The following FGGY variants were observed in gnomAD, a reference collection of about 807,000 sequenced individuals.
The protein encoded by FGGY is FGGY carbohydrate kinase domain containing.
In FGGY, 72 loss-of-function variants were observed where a neutral mutation model predicts 71.3. That is an observed-to-expected ratio of 1.01 (90% CI 0.84 to 1.23). The LOEUF is 1.23. Ranked by LOEUF, FGGY falls within the 50% of genes most tolerant of loss-of-function variation. FGGY has a pLI of 0.00. For synonymous variants in FGGY, 251 were observed against 250.3 expected (o/e 1.00, Z -0.02); for missense variants, 668 against 682.3 (o/e 0.98, Z 0.23).
At chr1:59,662,334 A>AG (rs1252849994) in intron 12 of FGGY, among the ~76,000 whole-genome samples, 29 of 150,442 alleles carry the variant, frequency 1.9e-4, no homozygotes, top group African/African-American at 6.4e-4. Flanking sequence ...AAAAAAAAAA[A>AG]AGAGAGAGAT....
intron 14 of FGGY, among the ~76,000 whole-genome samples, chr1:59,689,200 G>C (rs924461339): frequency 1.3e-5 from 2 of 152,176 alleles, no homozygotes; most frequent in African/African-American, 2.4e-5. Context: ...CAGCAGGAAA[G>C]AGTAGCCTGG....
At chr1:59,340,096 A>G in intron 3 of FGGY, 27 bp downstream of exon 3, 1 of 1,525,004 alleles carries the variant, frequency 6.6e-7, no homozygotes, top group South Asian at 1.2e-5. Context: ...TCCTTTTCCC[A>G]GTGGTGGGAT....
intron 8 of FGGY, among the ~76,000 whole-genome samples, chr1:59,554,741 T>C (rs2095659033): frequency 6.6e-6 from 1 of 152,222 alleles, no homozygotes; most frequent in African/African-American, 2.4e-5. Context: ...CATGAATTAG[T>C]GAAAAGGCTT....
At chr1:59,429,425 A>G (rs578196196) in intron 5 of FGGY, among the ~76,000 whole-genome samples, 2 of 152,250 alleles carry the variant, frequency 1.3e-5, no homozygotes, top group African/African-American at 4.8e-5. Flanking sequence ...AACTCAATTC[A>G]TTTGGTGCTA....
rs1165927562 is a variant in FGGY at position 59,650,937 on chromosome 1, T to A, written c.1222-9282T>A. Among the ~76,000 whole-genome samples, 3 of 151,240 alleles carry A rather than the reference T, an allele frequency of 2.0e-5. No homozygotes were observed. In the South Asian group the frequency reaches 6.2e-4, roughly 31 times the overall value. On this transcript the variant is annotated intron_variant, in intron 11 of 15. Coordinates refer to ENST00000303721, the MANE Select transcript of FGGY (RefSeq NM_018291.5). ...ACTGCTTTGAATGTGTCCCAGAGAT[T>A]CTGGTACGTTGTGTCTTTGTTCTCG...
intron 14 of FGGY, among the ~76,000 whole-genome samples, chr1:59,710,298 A>G (rs527851659): frequency 6.8e-4 from 104 of 152,262 alleles, no homozygotes; most frequent in Non-Finnish European, 1.2e-3. Flanking sequence ...AAATTAACTC[A>G]AGATGGATTA....
At chr1:59,519,060 A>G (rs113137043) in intron 7 of FGGY, among the ~76,000 whole-genome samples, 2,553 of 152,314 alleles carry the variant, frequency 0.017, 53 homozygotes, top group Non-Finnish European at 0.026. Flanking sequence ...AACTTTATAC[A>G]TACTATTATT....
chr1:59,532,892 A>C (rs2095191145), intron 7 of FGGY, among the ~76,000 whole-genome samples: 1 of 152,188 alleles, frequency 6.6e-6, no homozygotes, highest in Non-Finnish European at 1.5e-5. Context: ...TAAAATATTA[A>C]AATTAATAAG....
intron 5 of FGGY, among the ~76,000 whole-genome samples, chr1:59,454,851 A>G (rs1291039248): frequency 6.6e-6 from 1 of 152,248 alleles, no homozygotes; most frequent in African/African-American, 2.4e-5. Flanking sequence ...ATCCTAGTAT[A>G]GTGCCAGGAT....
chr1:59,365,239 GGAGCAGCTAAAGAAAA>G (rs1306577796), intron 4 of FGGY, among the ~76,000 whole-genome samples: 1 of 152,276 alleles, frequency 6.6e-6, no homozygotes, highest in Admixed American at 6.5e-5. Flanking sequence ...AGATCCCTGG[GGAGCAGCTAAAGAAAA>G]GAGCAGCTAA....
intron 8 of FGGY, among the ~76,000 whole-genome samples, chr1:59,568,821 G>T (rs988698518): frequency 6.6e-6 from 1 of 152,108 alleles, no homozygotes; most frequent in Admixed American, 6.6e-5. Context: ...CTACTTCAGT[G>T]TTCTATCTCT....
chr1:59,497,230 G>T (rs12063087), intron 6 of FGGY, among the ~76,000 whole-genome samples: 26,208 of 152,174 alleles, frequency 0.17, 2,919 homozygotes, highest in Middle Eastern at 0.31. Context: ...ATTTCCAGCA[G>T]GAAGAGGAAA....
chr1:59,410,483 C>T (rs970505688), intron 5 of FGGY, among the ~76,000 whole-genome samples: 8 of 152,148 alleles, frequency 5.3e-5, no homozygotes, highest in Non-Finnish European at 1.2e-4. Flanking sequence ...TATGTTCTTT[C>T]CACTCAGTAT....
intron 1 of FGGY, among the ~76,000 whole-genome samples, chr1:59,305,992 C>T (rs1312445975): frequency 6.6e-6 from 1 of 152,200 alleles, no homozygotes; most frequent in Non-Finnish European, 1.5e-5. Flanking sequence ...GGCCTGTGTT[C>T]ATCCTTTTTG....
chr1:59,651,698 C>A (rs1308299147), intron 11 of FGGY, among the ~76,000 whole-genome samples: 3 of 151,054 alleles, frequency 2.0e-5, no homozygotes, highest in Non-Finnish European at 4.4e-5. Flanking sequence ...GTTCTTGACT[C>A]TTTATCCAAT....
intron 4 of FGGY, among the ~76,000 whole-genome samples, chr1:59,376,925 A>G (rs1467930874): frequency 6.6e-6 from 1 of 152,174 alleles, no homozygotes; most frequent in Non-Finnish European, 1.5e-5. Flanking sequence ...GAAAATGGCC[A>G]CTTCATGCTT....
chr1:59,456,414 T>A (rs988990815), intron 5 of FGGY, among the ~76,000 whole-genome samples: 8 of 152,136 alleles, frequency 5.3e-5, no homozygotes, highest in Non-Finnish European at 7.4e-5. Flanking sequence ...ATATACAGAT[T>A]GTTTAATCAG....
At chr1:59,413,745 G>C (rs1016137646) in intron 5 of FGGY, among the ~76,000 whole-genome samples, 1 of 152,194 alleles carries the variant, frequency 6.6e-6, no homozygotes, top group Non-Finnish European at 1.5e-5. Context: ...CGGATTGCTT[G>C]AGGCTAGGAG....
chr1:59,526,012 G>A lies in FGGY; in HGVS notation c.799+13573G>A, dbSNP rs528208475. Among the ~76,000 whole-genome samples, 4 of 152,206 alleles carry A rather than the reference G, an allele frequency of 2.6e-5. No individual in the cohort carries two copies. The South Asian group carries it at 6.2e-4, about 24-fold the overall frequency. ...ATGCGTGTGTGTATGTGTATATACT[G>A]TGCATGCACATGTTTGCATGCCCCT... On this transcript the variant is annotated intron_variant, in intron 7 of 15. Transcript: ENST00000303721.
Sources: gnomAD v4.1 joint callset for allele counts (sites outside exome capture counted in the v4.1 genomes callset) on GRCh38, gnomAD v4.1.1 for gene constraint, MANE v1.5 for transcripts, NCBI Gene and HGNC (gene_info 2026-07-23, HGNC 2026-07-21) for gene names.